The following TUBGCP3 variants were observed in gnomAD, a reference collection of about 807,000 sequenced individuals.
TUBGCP3 encodes the protein tubulin gamma complex component 3, also known as gamma-tubulin complex component 3.
In TUBGCP3, 50 loss-of-function variants were observed where a neutral mutation model predicts 123.1. That is an observed-to-expected ratio of 0.41 (90% CI 0.32 to 0.51). TUBGCP3 has a LOEUF of 0.51. Ranked by LOEUF, TUBGCP3 falls within the 20% of genes least tolerant of loss-of-function variation. The pLI, the probability that TUBGCP3 is intolerant of heterozygous loss-of-function variation, is 0.36. For synonymous variants in TUBGCP3, 405 were observed against 413.9 expected (o/e 0.98, Z 0.26); for missense variants, 882 against 1,127.0 (o/e 0.78, Z 3.11).
At position 112,580,591 on chromosome 13, in the gene TUBGCP3, C is replaced by T. The variant is rs1221297731; in HGVS notation, c.76+7314G>A. 2.0e-5 allele frequency among the ~76,000 whole-genome samples: 3 copies of T among 152,164 alleles called. No individual in the cohort carries two copies. In the East Asian group the frequency reaches 5.8e-4, roughly 29 times the overall value. On this transcript the variant is annotated intron_variant, in intron 1 of 21. Coordinates refer to ENST00000261965, the MANE Select transcript of TUBGCP3 (RefSeq NM_006322.6). Reference sequence around the variant, plus strand: ...TAAATTTTTAAGTTCCACACCTAGACACATTATTGCAAAATTTCAGAACAT... The same window carrying T: ...TAAATTTTTAAGTTCCACACCTAGATACATTATTGCAAAATTTCAGAACAT...
chr13:112,534,003 C>T (rs1877815346), intron 11 of TUBGCP3, among the ~76,000 whole-genome samples: 1 of 152,028 alleles, frequency 6.6e-6, no homozygotes, highest in African/African-American at 2.4e-5. Flanking sequence ...TTGGAGCCTG[C>T]ACTACTGCAC....
chr13:112,545,703 T>A lies in TUBGCP3; in HGVS notation c.1331A>T (p.His444Leu), dbSNP rs776721458. The change falls in exon 11 of 22, where the codon CAC becomes CTC. Residue 444 changes from histidine to leucine, a missense_variant. By Grantham distance (99) the His-to-Leu change is moderately conservative. This residue lies in a region of TUBGCP3 where 713 missense variants were observed against 874.0 expected (regional missense o/e 0.82). Coordinates refer to ENST00000261965, the MANE Select transcript of TUBGCP3 (RefSeq NM_006322.6). This position sits in a 1 kb window ranked among gnomAD's most constrained non-coding sequence, Gnocchi z 4.1. ...IYDGELEDTY[H>L]EFFVASDPTV... Reference sequence around the variant, plus strand: ...GAACCGAACACCGATCCTTACTTCGTGGTAAGTGTCCTCAAGCTCCCCATC... The same window carrying A: ...GAACCGAACACCGATCCTTACTTCGAGGTAAGTGTCCTCAAGCTCCCCATC... 3.1e-6 allele frequency: 5 copies of A among 1,611,968 alleles called. No individual in the cohort carries two copies. Among genetic ancestry groups the A allele is most frequent in the Non-Finnish European group, 4.2e-6 (5 of 1,178,144 alleles).
intron 1 of TUBGCP3, among the ~76,000 whole-genome samples, chr13:112,570,649 T>G (rs1881324935): frequency 1.3e-5 from 2 of 152,216 alleles, no homozygotes; most frequent in Admixed American, 6.5e-5. Flanking sequence ...GGGCGGTGGT[T>G]GCTGAAGGCT....
intron 11 of TUBGCP3, among the ~76,000 whole-genome samples, chr13:112,532,160 C>T (rs7983260): frequency 0.44 from 66,720 of 152,076 alleles, 18,866 homozygotes; most frequent in African/African-American, 0.81. Flanking sequence ...AAATGGCAAC[C>T]GGACCAGGGG....
At chr13:112,543,671 G>A (rs938095267) in intron 11 of TUBGCP3, among the ~76,000 whole-genome samples, 2 of 152,230 alleles carry the variant, frequency 1.3e-5, no homozygotes, top group South Asian at 2.1e-4. Context: ...ATGATAAAAC[G>A]TAGTAAAACT....
upstream of TUBGCP3, among the ~76,000 whole-genome samples, chr13:112,592,040 T>G: frequency 6.6e-6 from 1 of 152,278 alleles, no homozygotes; most frequent in Admixed American, 6.5e-5. This position sits in a 1 kb window ranked among gnomAD's most constrained non-coding sequence, Gnocchi z 4.1. Flanking sequence ...GGCATGCCAC[T>G]GAGTGGGCAT....
At chr13:112,547,090 A>G in intron 10 of TUBGCP3, 1 of 218,154 alleles carries the variant, frequency 4.6e-6, no homozygotes, top group Non-Finnish European at 8.9e-6. Context: ...CTAGCAATAC[A>G]GAACCTAGAG....
chr13:112,563,262 G>A (rs2139249312), intron 3 of TUBGCP3, among the ~76,000 whole-genome samples: 1 of 152,194 alleles, frequency 6.6e-6, no homozygotes, highest in Non-Finnish European at 1.5e-5. Context: ...CCCACATACG[G>A]GGCCCTAACT....
At chr13:112,539,800 G>A (rs191444836) in intron 11 of TUBGCP3, among the ~76,000 whole-genome samples, 92 of 152,318 alleles carry the variant, frequency 6.0e-4, no homozygotes, top group Non-Finnish European at 1.1e-3. Flanking sequence ...GCATTCAGGT[G>A]GTCTTGGGAA....
chr13:112,551,070 G>C (rs749124298), intron 8 of TUBGCP3, among the ~76,000 whole-genome samples: 1 of 152,082 alleles, frequency 6.6e-6, no homozygotes, highest in Non-Finnish European at 1.5e-5. Context: ...CTGCACTCCA[G>C]CCTGGGTGAC....
At chr13:112,581,693 G>A (rs751174197) in intron 1 of TUBGCP3, among the ~76,000 whole-genome samples, 2 of 152,062 alleles carry the variant, frequency 1.3e-5, no homozygotes, top group Admixed American at 6.5e-5. Flanking sequence ...CAATCCTCCC[G>A]CCTTGGCCTC....
intron 20 of TUBGCP3, among the ~76,000 whole-genome samples, chr13:112,493,931 A>ATGGCC (rs1272099833): frequency 7.6e-6 from 1 of 132,134 alleles, no homozygotes; most frequent in Non-Finnish European, 1.6e-5. Flanking sequence ...CTATGGGAAC[A>ATGGCC]TGGCCTGGTG....
chr13:112,528,693 G>A (rs1486246042), intron 11 of TUBGCP3, among the ~76,000 whole-genome samples: 1 of 152,012 alleles, frequency 6.6e-6, no homozygotes, highest in Non-Finnish European at 1.5e-5. Flanking sequence ...CCATATTTTA[G>A]TTCTGATCTA....
upstream of TUBGCP3, among the ~76,000 whole-genome samples, chr13:112,592,791 A>C (rs913643887): frequency 6.6e-6 from 1 of 152,180 alleles, no homozygotes; most frequent in Non-Finnish European, 1.5e-5. This position sits in a 1 kb window ranked among gnomAD's most constrained non-coding sequence, Gnocchi z 4.1. Context: ...CCTTCCCCGC[A>C]ACAGCCTTCA....
chr13:112,554,111 G>T lies in TUBGCP3; in HGVS notation c.912C>A (p.Ile304=). 1 of 1,614,170 alleles carries T rather than the reference G, an allele frequency of 6.2e-7. No individual in the cohort carries two copies. Residue 304 remains isoleucine, a synonymous_variant, in exon 8 of 22, where the codon ATC becomes ATA. Transcript: ENST00000261965. ...GGCTCCTCTGGTCCGTGTATCTTCTGATTTTATTATGCAACCATCCCAACT... is the reference window on the plus strand; with the variant it reads ...GGCTCCTCTGGTCCGTGTATCTTCTTATTTTATTATGCAACCATCCCAACT... ...LSELGWLHNK[I]RRYTDQRSLD... is the part of the protein sequence containing the mutation.
At chr13:112,588,443 C>T (rs1478372994), upstream of TUBGCP3, among the ~76,000 whole-genome samples, 1 of 152,134 alleles carries the variant, frequency 6.6e-6, no homozygotes, top group African/African-American at 2.4e-5. Context: ...GTTTGATTCA[C>T]ACTTCTGATG....
chr13:112,545,970 A>T lies in TUBGCP3; in HGVS notation c.1169-105T>A. 7.5e-7 allele frequency: 1 copy of T among 1,327,304 alleles called. No homozygotes were observed. The highest frequency in any genetic ancestry group is 1.4e-5 in the South Asian group (1 of 73,740). 82.2% of individuals were successfully genotyped at this position (1,327,304 alleles called of 1,614,324 possible). ...AGACGCCCAAGTAATTGAGATAAAG[A>T]GCATTTGTTTTCTTACAGTTAATAC... On this transcript the variant is annotated intron_variant, in intron 10 of 21. Coordinates refer to ENST00000261965, the MANE Select transcript of TUBGCP3 (RefSeq NM_006322.6). The surrounding 1 kb of genome is among the most constrained non-coding windows in gnomAD (Gnocchi z 4.1).
In TUBGCP3 at chr13:112,556,258, G is replaced by A. The variant is rs146292869; in HGVS notation, c.549-34C>T. 242 of 1,589,420 alleles carry A rather than the reference G, an allele frequency of 1.5e-4. No homozygotes were observed. In the East Asian group the frequency reaches 5.2e-3, roughly 34 times the overall value. ...AGAAACATGTATTATCTTCTAATAG[G>A]CTATTCGCTGAAGAGACAAAAGTGT... On this transcript the variant is annotated intron_variant, in intron 5 of 21. Coordinates refer to ENST00000261965, the MANE Select transcript of TUBGCP3 (RefSeq NM_006322.6).
upstream of TUBGCP3, among the ~76,000 whole-genome samples, chr13:112,591,276 T>A (rs1339960068): frequency 6.6e-6 from 1 of 152,210 alleles, no homozygotes; most frequent in East Asian, 1.9e-4. Context: ...CTCAAATTGG[T>A]GATCTAAAAC....
Sources: allele counts gnomAD v4.1 joint callset (sites outside exome capture counted in the v4.1 genomes callset), GRCh38; gene constraint gnomAD v4.1.1; regional missense constraint gnomAD v4.1.1; non-coding constraint Gnocchi (gnomAD v3.1); transcripts MANE v1.5; gene names NCBI Gene and HGNC (gene_info 2026-07-23, HGNC 2026-07-21).